PPP2R5E: variants seen among roughly 807,000 people sequenced by gnomAD.
PPP2R5E encodes the protein serine/threonine-protein phosphatase 2A 56 kDa regulatory subunit epsilon isoform.
In PPP2R5E, 4 loss-of-function variants were observed where a neutral mutation model predicts 65.3. The ratio of observed to expected loss-of-function variants is 0.06; its 90% CI spans 0.03 to 0.14. The LOEUF is 0.14. Ranked by LOEUF, PPP2R5E falls within the 10% of genes least tolerant of loss-of-function variation. PPP2R5E has a pLI of 1.00. For missense variants in PPP2R5E, 274 were observed against 556.1 expected (o/e 0.49, Z 5.10); for synonymous variants, 183 against 187.4 (o/e 0.98, Z 0.19).
At chr14:63,417,265 C>T (rs1886752953) in intron 4 of PPP2R5E, among the ~76,000 whole-genome samples, 1 of 152,216 alleles carries the variant, frequency 6.6e-6, no homozygotes, top group African/African-American at 2.4e-5. Flanking sequence ...AGTCTTTAAG[C>T]TTTGGGAAGC....
intron 2 of PPP2R5E, among the ~76,000 whole-genome samples, chr14:63,507,056 A>G (rs1022433620): frequency 6.6e-6 from 1 of 152,220 alleles, no homozygotes; most frequent in African/African-American, 2.4e-5. Context: ...TGCTGAGGTT[A>G]CAGGTGTGAG....
Position 63,453,905 on chromosome 14 carries a change from T to C in PPP2R5E, c.158-20A>G. 6.9e-7 allele frequency: 1 copy of C among 1,449,318 alleles called. No homozygotes were observed. The highest frequency in any genetic ancestry group is 9.1e-7 in the Non-Finnish European group (1 of 1,095,812). The allele number at this position is 1,449,318 out of a possible 1,614,324, so 89.8% of individuals were successfully genotyped here. On this transcript the variant is annotated intron_variant, in intron 2 of 13. Transcript: ENST00000337537. Reference sequence around the variant, plus strand: ...GAACGTCTAAGAAAAAAAAAGGAAATGGTGTAAGTCTGTCATCAATTTCCA... The same window carrying C: ...GAACGTCTAAGAAAAAAAAAGGAAACGGTGTAAGTCTGTCATCAATTTCCA...
intron 2 of PPP2R5E, among the ~76,000 whole-genome samples, chr14:63,477,405 A>G (rs1890463227): frequency 6.6e-6 from 1 of 152,174 alleles, no homozygotes; most frequent in Non-Finnish European, 1.5e-5. Flanking sequence ...GCAATGTTCT[A>G]TGTGGTTTAC....
chr14:63,495,089 G>C (rs538057262), intron 2 of PPP2R5E, among the ~76,000 whole-genome samples: 14 of 151,696 alleles, frequency 9.2e-5, no homozygotes, highest in African/African-American at 3.1e-4. Context: ...AGTAATCCCA[G>C]CTACTTGGGA....
intron 2 of PPP2R5E, among the ~76,000 whole-genome samples, chr14:63,510,684 G>C (rs1440429689): frequency 2.6e-5 from 4 of 152,200 alleles, no homozygotes; most frequent in Non-Finnish European, 1.5e-5. Flanking sequence ...GTGGCTAAAA[G>C]CAGTGAGTTA....
Position 63,374,794 on chromosome 14 carries a change from A to AT in PPP2R5E, c.*1214dup, listed in dbSNP as rs1346539246. 4.0e-5 allele frequency: 6 copies of AT among 151,666 alleles called. No homozygotes were observed. The South Asian group carries it at 1.0e-3, about 26-fold the overall frequency. The allele number at this position is 151,666 out of a possible 1,614,324, so 9.4% of individuals were successfully genotyped here. A position where few individuals can be genotyped will look rare whatever the true frequency, so the allele number is the denominator to read the frequency against. On this transcript the variant is annotated 3_prime_UTR_variant, in exon 14 of 14. Transcript: ENST00000337537. ...TACTCAGGACATTAGGAATTTCCAG[A>AT]TTTTTTTCAGTAGCATTTGTAGAAC...
chr14:63,429,388 A>C (rs1887502363), intron 3 of PPP2R5E, among the ~76,000 whole-genome samples: 1 of 152,232 alleles, frequency 6.6e-6, no homozygotes, highest in African/African-American at 2.4e-5. Context: ...CTAAAAGGTA[A>C]ATTTTCTAAC....
At chr14:63,542,380 G>A (rs1179832630) in intron 1 of PPP2R5E, among the ~76,000 whole-genome samples, 1 of 152,132 alleles carries the variant, frequency 6.6e-6, no homozygotes, top group Non-Finnish European at 1.5e-5. Context: ...GGGAAAGACA[G>A]GGAAGGGGTT....
intron 3 of PPP2R5E, among the ~76,000 whole-genome samples, chr14:63,422,730 A>T (rs992432778): frequency 3.9e-4 from 23 of 58,786 alleles, no homozygotes; most frequent in South Asian, 3.2e-3. Flanking sequence ...CCGTCTATTT[A>T]AAAAAAAAAA....
chr14:63,527,175 AAAAG>A (rs1893217985), intron 2 of PPP2R5E, among the ~76,000 whole-genome samples: 1 of 152,204 alleles, frequency 6.6e-6, no homozygotes, highest in Non-Finnish European at 1.5e-5. Context: ...GTCTCAAAAA[AAAAG>A]AAAGTTTATC....
intron 3 of PPP2R5E, among the ~76,000 whole-genome samples, chr14:63,449,865 TTTTCC>T (rs1261533987): frequency 6.9e-6 from 1 of 144,880 alleles, no homozygotes; most frequent in Non-Finnish European, 1.5e-5. Context: ...TTTTCTTTTC[TTTTCC>T]TATTTTTTTT....
intron 5 of PPP2R5E, among the ~76,000 whole-genome samples, chr14:63,403,913 A>G (rs1450362174): frequency 6.6e-6 from 1 of 152,226 alleles, no homozygotes. Context: ...TAACAAATGT[A>G]GAGAGGGAGT....
chr14:63,427,774 G>A (rs1203602013), intron 3 of PPP2R5E, among the ~76,000 whole-genome samples: 1 of 152,162 alleles, frequency 6.6e-6, no homozygotes, highest in Non-Finnish European at 1.5e-5. Context: ...CCACTAACGA[G>A]CTTTTAGAAT....
intron 8 of PPP2R5E, among the ~76,000 whole-genome samples, chr14:63,393,004 G>GA (rs901962849): frequency 1.5e-4 from 23 of 149,470 alleles, no homozygotes; most frequent in South Asian, 2.1e-4. Context: ...AGGCTTAAAG[G>GA]AAAAAAAAAA....
intron 11 of PPP2R5E, among the ~76,000 whole-genome samples, chr14:63,384,885 G>A (rs976801227): frequency 1.8e-4 from 27 of 152,050 alleles, no homozygotes; most frequent in Admixed American, 5.2e-4. Context: ...TAGTAGAGGC[G>A]GGGTTTCACC....
chr14:63,412,843 C>T (rs1468545822), intron 5 of PPP2R5E, among the ~76,000 whole-genome samples: 1 of 152,146 alleles, frequency 6.6e-6, no homozygotes, highest in Non-Finnish European at 1.5e-5. Context: ...ATGTATGAGG[C>T]TATGAGCATT....
In PPP2R5E at chr14:63,494,069, A is replaced by G. The variant is rs183506196; in HGVS notation, c.158-40184T>C. On this transcript the variant is annotated intron_variant, in intron 2 of 13. Coordinates refer to ENST00000337537, the MANE Select transcript of PPP2R5E (RefSeq NM_006246.5). The stretch of plus-strand genomic sequence containing the variant: ...AATTCCACTTTTAAGAATGTATCCT[A>G]TAGACATACTCCCCTATGTGAACAC... Among the ~76,000 whole-genome samples the G allele has an allele frequency of 2.0e-3, 305 of 152,218 alleles. 1 individual carries two copies. The highest frequency in any genetic ancestry group is 6.4e-3 in the African/African-American group (264 of 41,548).
chr14:63,412,751 G>A (rs1038573113), intron 5 of PPP2R5E, among the ~76,000 whole-genome samples: 1 of 152,202 alleles, frequency 6.6e-6, no homozygotes, highest in Non-Finnish European at 1.5e-5. Context: ...GGGGATAACT[G>A]AATGAAGAGG....
chr14:63,403,879 G>A (rs1340605204), intron 5 of PPP2R5E, among the ~76,000 whole-genome samples: 1 of 152,160 alleles, frequency 6.6e-6, no homozygotes, highest in Non-Finnish European at 1.5e-5. Context: ...CATCTATCAT[G>A]TGATTCATTC....
Sources: gnomAD v4.1 joint callset for allele counts (sites outside exome capture counted in the v4.1 genomes callset) on GRCh38, gnomAD v4.1.1 for gene constraint, MANE v1.5 for transcripts, NCBI Gene and HGNC (gene_info 2026-07-23, HGNC 2026-07-21) for gene names.